The following PLEKHG4B variants were observed in gnomAD, a reference collection of about 807,000 sequenced individuals.
PLEKHG4B encodes pleckstrin homology domain-containing family G member 4B.
In PLEKHG4B, 111 loss-of-function variants were observed where a neutral mutation model predicts 121.3. The observed-to-expected ratio is 0.92, with a 90% CI of 0.78 to 1.07. PLEKHG4B has a LOEUF of 1.07. PLEKHG4B is among the 50% of genes least tolerant of loss of function. PLEKHG4B has a pLI of 0.00. For synonymous variants in PLEKHG4B, 738 were observed against 725.0 expected, an observed-to-expected ratio of 1.02 and a Z score of -0.29; for missense variants, 1,831 against 1,757.8, an observed-to-expected ratio of 1.04 and a Z score of -0.74.
chr5:131,619 G>A (rs982190078), intron 2 of PLEKHG4B, among the ~76,000 whole-genome samples: 5 of 152,124 alleles, frequency 3.3e-5, no homozygotes, highest in African/African-American at 4.8e-5. Context: ...AATCCTTTGG[G>A]TATATACCCA....
Position 113,160 on chromosome 5 carries a change from G to A in PLEKHG4B, c.46-91G>A, listed in dbSNP as rs752117325. 9 of 398,160 alleles carry A rather than the reference G, an allele frequency of 2.3e-5. No individual in the cohort carries two copies. Among genetic ancestry groups the A allele is most frequent in the East Asian group, 1.8e-4 (5 of 28,096 alleles). 24.7% of individuals were successfully genotyped at this position (398,160 alleles called of 1,614,324 possible). A position where few individuals can be genotyped will look rare whatever the true frequency, so the allele number is the denominator to read the frequency against. The stretch of plus-strand genomic sequence containing the variant: ...GCCAGACACAGGACAAGGGACTTCC[G>A]TGTGGATCCTTCAGTGCCAGCCTTG... On this transcript the variant is annotated intron_variant, in intron 1 of 19. Transcript: ENST00000637938. This position sits in a 1 kb window ranked among gnomAD's most constrained non-coding sequence, Gnocchi z 5.2.
chr5:170,086 TC>T (rs1736494238), intron 14 of PLEKHG4B, among the ~76,000 whole-genome samples: 2 of 152,350 alleles, frequency 1.3e-5, no homozygotes, highest in Admixed American at 1.3e-4. Flanking sequence ...TGGTCTCTCC[TC>T]GTAAGTTGCT....
chr5:170,222 T>C (rs563242087), intron 14 of PLEKHG4B, among the ~76,000 whole-genome samples: 2 of 152,338 alleles, frequency 1.3e-5, no homozygotes, highest in African/African-American at 4.8e-5. Flanking sequence ...ATGGGATGTA[T>C]GTCCCAGACC....
intron 2 of PLEKHG4B, among the ~76,000 whole-genome samples, chr5:136,837 C>T (rs970507144): frequency 2.6e-5 from 4 of 152,154 alleles, no homozygotes; most frequent in Admixed American, 6.6e-5. Flanking sequence ...ACCCTATGAT[C>T]CAGCAGTTCC....
chr5:109,282 A>G (rs1324548179), intron 1 of PLEKHG4B, among the ~76,000 whole-genome samples: 1 of 151,852 alleles, frequency 6.6e-6, no homozygotes, highest in African/African-American at 2.4e-5. Flanking sequence ...CTGTAGTCCC[A>G]GCTACTCGGA....
intron 3 of PLEKHG4B, 93 bp from the exon 4 acceptor site, chr5:142,954 T>C (rs1735272094): frequency 8.1e-7 from 1 of 1,231,388 alleles, no homozygotes; most frequent in African/African-American, 1.5e-5. Context: ...ATGCGTGTTT[T>C]TGTCCCATGG....
intron 1 of PLEKHG4B, among the ~76,000 whole-genome samples, chr5:104,385 CA>C (rs570333441): frequency 6.2e-4 from 94 of 152,306 alleles, no homozygotes; most frequent in African/African-American, 2.2e-3. Flanking sequence ...CTTAAGACGA[CA>C]AAATCCAGCT....
chr5:106,811 A>G (rs543446603), intron 1 of PLEKHG4B, among the ~76,000 whole-genome samples: 32 of 152,100 alleles, frequency 2.1e-4, no homozygotes, highest in African/African-American at 7.7e-4. Context: ...GCCCACAGGG[A>G]TATTGAGGTG....
At chr5:141,346 A>G (rs1033589145) in intron 3 of PLEKHG4B, among the ~76,000 whole-genome samples, 2 of 145,404 alleles carry the variant, frequency 1.4e-5, no homozygotes, top group Admixed American at 1.4e-4. Flanking sequence ...CACAAGTCCA[A>G]CATCAAGCTG....
intron 2 of PLEKHG4B, among the ~76,000 whole-genome samples, chr5:135,676 AAAAAAAAT>A (rs1734944553): frequency 1.6e-5 from 1 of 64,116 alleles, no homozygotes. Context: ...AAAAAAAAAA[AAAAAAAAT>A]ATATATATAT....
At chr5:164,488 C>T (rs983097179) in intron 13 of PLEKHG4B, among the ~76,000 whole-genome samples, 1 of 100,070 alleles carries the variant, frequency 1.0e-5, no homozygotes, top group Admixed American at 9.5e-5. Context: ...AGAGCTCACA[C>T]TAATGCTCTG....
chr5:180,358 G>C (rs552083174), intron 18 of PLEKHG4B, among the ~76,000 whole-genome samples: 5 of 152,230 alleles, frequency 3.3e-5, no homozygotes, highest in Admixed American at 3.3e-4. Flanking sequence ...TGAATGTCTG[G>C]GAGTTTCCCA....
At chr5:103,941 G>A (rs7718319) in intron 1 of PLEKHG4B, among the ~76,000 whole-genome samples, 27,630 of 150,872 alleles carry the variant, frequency 0.18, 3,500 homozygotes, top group African/African-American at 0.36. Flanking sequence ...GCTCCCACGT[G>A]TGAGTGAAAA....
chr5:105,260 A>T (rs1373676460), intron 1 of PLEKHG4B, among the ~76,000 whole-genome samples: 1 of 152,330 alleles, frequency 6.6e-6, no homozygotes, highest in East Asian at 1.9e-4. Flanking sequence ...GTGGATTCAC[A>T]GCTGTGGCTG....
intron 13 of PLEKHG4B, among the ~76,000 whole-genome samples, chr5:168,321 C>G (rs1736419334): frequency 1.3e-5 from 2 of 152,194 alleles, no homozygotes; most frequent in Non-Finnish European, 2.9e-5. Context: ...GGGGCCTAGC[C>G]TGCTGTTGTC....
chr5:173,142 T>G, intron 17 of PLEKHG4B, 75 bp downstream of exon 17: 1 of 1,471,126 alleles, frequency 6.8e-7, no homozygotes, highest in Admixed American at 1.8e-5. Flanking sequence ...TTGTCTCACC[T>G]AAGGCCAGCA....
intron 1 of PLEKHG4B, among the ~76,000 whole-genome samples, chr5:102,307 A>G (rs1462127795): frequency 6.6e-6 from 1 of 152,144 alleles, no homozygotes; most frequent in Non-Finnish European, 1.5e-5. Context: ...TTATGAGTAT[A>G]ATTAAGCTTT....
intron 16 of PLEKHG4B, among the ~76,000 whole-genome samples, chr5:172,259 C>T (rs906874198): frequency 2.6e-5 from 4 of 152,196 alleles, no homozygotes; most frequent in African/African-American, 9.6e-5. Flanking sequence ...GCCCTAGGGG[C>T]GTCCATGGGA....
intron 1 of PLEKHG4B, among the ~76,000 whole-genome samples, chr5:110,991 C>A (rs1390289895): frequency 1.3e-5 from 2 of 152,262 alleles, no homozygotes; most frequent in African/African-American, 4.8e-5. Flanking sequence ...GGCCTGGACA[C>A]AGCTGGCAGG....
Sources: gnomAD v4.1 joint callset for allele counts (sites outside exome capture counted in the v4.1 genomes callset) on GRCh38, gnomAD v4.1.1 for gene constraint, Gnocchi (gnomAD v3.1) non-coding constraint, MANE v1.5 for transcripts, NCBI Gene and HGNC (gene_info 2026-07-23, HGNC 2026-07-21) for gene names.